NCOA7: variants seen among roughly 807,000 people sequenced by gnomAD.
NCOA7 encodes the protein nuclear receptor coactivator 7.
A neutral mutation model predicts 104.3 loss-of-function variants in NCOA7; 45 were observed. The observed-to-expected ratio is 0.43, with a 90% CI of 0.34 to 0.55. The LOEUF (loss-of-function observed/expected upper bound fraction) is 0.55, where lower values mean the gene tolerates loss of function less well. Among genes scored for constraint, NCOA7 ranks in the 20% least tolerant of loss-of-function variants. NCOA7 has a pLI of 0.02. For synonymous variants in NCOA7, 398 were observed against 402.3 expected, an observed-to-expected ratio of 0.99 and a Z score of 0.13; for missense variants, 1,041 against 1,119.7, an observed-to-expected ratio of 0.93 and a Z score of 1.00.
chr6:125,851,829 T>C (rs1207996871), intron 2 of NCOA7, among the ~76,000 whole-genome samples: 1 of 152,178 alleles, frequency 6.6e-6, no homozygotes, highest in Non-Finnish European at 1.5e-5. Context: ...TTTATTTGTA[T>C]CTCCCCGATG....
intron 2 of NCOA7, among the ~76,000 whole-genome samples, chr6:125,817,783 G>C (rs1777731171): frequency 6.6e-6 from 1 of 152,140 alleles, no homozygotes; most frequent in Non-Finnish European, 1.5e-5. Context: ...CTCCTTTTAT[G>C]AATTGTGCTT....
chr6:125,828,052 C>G (rs1432381258), intron 2 of NCOA7, among the ~76,000 whole-genome samples: 1 of 152,196 alleles, frequency 6.6e-6, no homozygotes. Flanking sequence ...GGATTGAAAA[C>G]AGGTTCTGGA....
Position 125,930,756 on chromosome 6 carries a change from T to C in NCOA7, c.*1985T>C, listed in dbSNP as rs1313271182. On this transcript the variant is annotated 3_prime_UTR_variant, in exon 16 of 16. Transcript: ENST00000392477. Reference sequence around the variant, plus strand: ...GTACGTTTCACTCAAGTTCTCCTACTGAGGACTCTTGACTAACAGCATACT... The same window carrying C: ...GTACGTTTCACTCAAGTTCTCCTACCGAGGACTCTTGACTAACAGCATACT... 1.3e-5 allele frequency: 2 copies of C among 152,276 alleles called. No homozygotes were observed. The highest frequency in any genetic ancestry group is 2.9e-5 in the Non-Finnish European group (2 of 68,036). The allele number at this position is 152,276 out of a possible 1,614,324, so 9.4% of individuals were successfully genotyped here. A position where few individuals can be genotyped will look rare whatever the true frequency, so the allele number is the denominator to read the frequency against.
At chr6:125,870,581 C>A (rs1296745059) in intron 3 of NCOA7, among the ~76,000 whole-genome samples, 1 of 152,170 alleles carries the variant, frequency 6.6e-6, no homozygotes, top group Non-Finnish European at 1.5e-5. Flanking sequence ...CTCTTGATGT[C>A]ATAGCTTCAT....
chr6:125,851,351 T>C (rs1781114310), intron 2 of NCOA7, among the ~76,000 whole-genome samples: 1 of 152,174 alleles, frequency 6.6e-6, no homozygotes, highest in Admixed American at 6.5e-5. Context: ...CATGTGATAT[T>C]TGATTTTTCA....
chr6:125,869,781 G>A lies in NCOA7; in HGVS notation c.272-5108G>A, dbSNP rs1297940448. On this transcript the variant is annotated intron_variant, in intron 3 of 15. Coordinates refer to ENST00000392477, the MANE Select transcript of NCOA7 (RefSeq NM_181782.5). ...CAGGGCTCAAGGCCCTGCTTCCAGG[G>A]CCCAAAGTAGCCCACTTCCAAGAGA... Among the ~76,000 whole-genome samples, 4 of 152,128 alleles carry A rather than the reference G, an allele frequency of 2.6e-5. No homozygotes were observed. In the East Asian group the frequency reaches 7.7e-4, roughly 29 times the overall value.
intron 10 of NCOA7, among the ~76,000 whole-genome samples, chr6:125,906,581 C>T (rs1011432122): frequency 6.6e-6 from 1 of 152,148 alleles, no homozygotes; most frequent in Admixed American, 6.5e-5. Context: ...AGGATCGCTG[C>T]TGTAGGCCTA....
At chr6:125,919,097 T>G (rs1787336432) in intron 11 of NCOA7, 1 of 599,506 alleles carries the variant, frequency 1.7e-6, no homozygotes, top group African/African-American at 1.9e-5. Context: ...AACCACCGTT[T>G]CAAAGGTGAA....
At chr6:125,890,546 T>A in intron 9 of NCOA7, 96 bp from the exon 10 acceptor site, 1 of 1,214,206 alleles carries the variant, frequency 8.2e-7, no homozygotes, top group Non-Finnish European at 1.1e-6. Context: ...ATGTTTTGAC[T>A]AAGAGAGGAT....
At chr6:125,836,907 C>G (rs779986314) in intron 2 of NCOA7, among the ~76,000 whole-genome samples, 1 of 152,154 alleles carries the variant, frequency 6.6e-6, no homozygotes, top group Non-Finnish European at 1.5e-5. Context: ...GTTGGTTGCA[C>G]CTGTGTGTGC....
At chr6:125,909,548 T>C (rs898447436) in intron 10 of NCOA7, among the ~76,000 whole-genome samples, 1 of 152,130 alleles carries the variant, frequency 6.6e-6, no homozygotes, top group Non-Finnish European at 1.5e-5. Context: ...GAGTGGCTCA[T>C]GCCTGTAATC....
intron 3 of NCOA7, among the ~76,000 whole-genome samples, chr6:125,856,186 G>A (rs1232524903): frequency 6.6e-6 from 1 of 152,052 alleles, no homozygotes; most frequent in African/African-American, 2.4e-5. Context: ...GCTAGGAAAG[G>A]GAGAGAAAAC....
intron 1 of NCOA7, among the ~76,000 whole-genome samples, chr6:125,806,797 T>C (rs946802928): frequency 1.3e-5 from 2 of 152,234 alleles, no homozygotes; most frequent in African/African-American, 4.8e-5. Flanking sequence ...AATTTACATA[T>C]TGAAATACCT....
chr6:125,929,625 TTTAG>T lies in NCOA7; in HGVS notation c.*858_*861del, dbSNP rs1023957688. 31 of 152,294 alleles carry T rather than the reference TTTAG, an allele frequency of 2.0e-4. No homozygotes were observed. The highest frequency in any genetic ancestry group is 7.5e-4 in the African/African-American group (31 of 41,568). The allele number at this position is 152,294 out of a possible 1,614,324, so 9.4% of individuals were successfully genotyped here. A position where few individuals can be genotyped will look rare whatever the true frequency, so the allele number is the denominator to read the frequency against. On this transcript the variant is annotated 3_prime_UTR_variant, in exon 16 of 16. Coordinates refer to ENST00000392477, the MANE Select transcript of NCOA7 (RefSeq NM_181782.5). ...CATTTAGTCAATAAAAGCGTACATT[TTTAG>T]TTACTTACCTTGAACATATTCGTGT...
At chr6:125,866,607 C>G (rs918043104) in intron 3 of NCOA7, among the ~76,000 whole-genome samples, 1 of 152,088 alleles carries the variant, frequency 6.6e-6, no homozygotes, top group Non-Finnish European at 1.5e-5. Context: ...AGTTACTTCC[C>G]CAAGGTTACC....
chr6:125,785,888 A>G (rs1285002243), intron 1 of NCOA7, among the ~76,000 whole-genome samples: 2 of 152,212 alleles, frequency 1.3e-5, no homozygotes, highest in African/African-American at 2.4e-5. Context: ...ATACAGCAAT[A>G]TTTCTTTCTC....
At chr6:125,877,974 A>G (rs1356117771) in intron 4 of NCOA7, among the ~76,000 whole-genome samples, 1 of 152,218 alleles carries the variant, frequency 6.6e-6, no homozygotes, top group African/African-American at 2.4e-5. Context: ...TCTTCATTAC[A>G]GCTCACGGAC....
chr6:125,794,993 C>A (rs1775175780), intron 1 of NCOA7, among the ~76,000 whole-genome samples: 1 of 152,012 alleles, frequency 6.6e-6, no homozygotes, highest in Non-Finnish European at 1.5e-5. Flanking sequence ...TCAGAGTCTT[C>A]TCTGAGCCTC....
chr6:125,792,712 A>G (rs542892304), intron 1 of NCOA7, among the ~76,000 whole-genome samples: 1 of 152,252 alleles, frequency 6.6e-6, no homozygotes, highest in East Asian at 1.9e-4. Flanking sequence ...TTTGACAGCC[A>G]GGGGATTGTG....
Sources: gnomAD v4.1 joint callset for allele counts (sites outside exome capture counted in the v4.1 genomes callset) on GRCh38, gnomAD v4.1.1 for gene constraint, MANE v1.5 for transcripts, NCBI Gene and HGNC (gene_info 2026-07-23, HGNC 2026-07-21) for gene names.